EFCAB11: variants seen among roughly 807,000 people sequenced by gnomAD.
EFCAB11 encodes EF-hand calcium binding domain 11.
A neutral mutation model predicts 23.0 loss-of-function variants in EFCAB11; 14 were observed. The ratio of observed to expected loss-of-function variants is 0.61; its 90% CI spans 0.40 to 0.95. EFCAB11 has a LOEUF of 0.95. Ranked by LOEUF, EFCAB11 falls within the 40% of genes least tolerant of loss-of-function variation. EFCAB11 has a pLI of 0.00. For missense variants in EFCAB11, 198 were observed against 195.8 expected (o/e 1.01, Z -0.07); for synonymous variants, 65 against 66.6 (o/e 0.98, Z 0.11).
At chr14:89,837,683 A>G (rs903677581) in intron 5 of EFCAB11, among the ~76,000 whole-genome samples, 5 of 152,194 alleles carry the variant, frequency 3.3e-5, no homozygotes, top group Non-Finnish European at 7.4e-5. Flanking sequence ...TGAATAAAAA[A>G]CGATAATAAA....
At chr14:89,799,411 GCAGA>G (rs1318605397) in intron 5 of EFCAB11, 1 of 152,132 alleles carries the variant, frequency 6.6e-6, no homozygotes, top group Non-Finnish European at 1.5e-5. Context: ...GTTTTTCATT[GCAGA>G]CAGAATTATT....
At chr14:89,830,181 T>G (rs935175950) in intron 5 of EFCAB11, 11 of 152,316 alleles carry the variant, frequency 7.2e-5, no homozygotes, top group African/African-American at 2.6e-4. Flanking sequence ...AGGTAAAGTA[T>G]CAAGTAGGAA....
chr14:89,909,536 G>A (rs905457024), intron 5 of EFCAB11, among the ~76,000 whole-genome samples: 7 of 152,106 alleles, frequency 4.6e-5, no homozygotes, highest in African/African-American at 1.2e-4. Flanking sequence ...AGCTGAGATC[G>A]CGCCATTGCA....
intron 5 of EFCAB11, chr14:89,830,605 C>T (rs1886850361): frequency 6.6e-6 from 1 of 152,138 alleles, no homozygotes; most frequent in Non-Finnish European, 1.5e-5. Flanking sequence ...CGAGCCTTTC[C>T]TTCAATATAT....
At chr14:89,797,440 T>C (rs1885613028) in intron 5 of EFCAB11, 116 bp from the exon 6 acceptor site, 1 of 858,894 alleles carries the variant, frequency 1.2e-6, no homozygotes, top group Non-Finnish European at 1.8e-6. Context: ...ACCTATTTTA[T>C]CTACTTGAAG....
Position 89,797,274 on chromosome 14 carries a change from T to C in EFCAB11, c.461A>G (p.Tyr154Cys), listed in dbSNP as rs762380665. 12 of 1,613,538 alleles carry C rather than the reference T, an allele frequency of 7.4e-6. No individual in the cohort carries two copies. The Admixed American group carries it at 8.3e-5, about 11-fold the overall frequency. Residue 154 changes from tyrosine (Y) to cysteine (C), a missense_variant, in exon 6 of 6, where the codon TAT (tyrosine) becomes TGT (cysteine). By Grantham distance (194) the Tyr-to-Cys change is radical. Transcript: ENST00000316738. The stretch of plus-strand genomic sequence containing the variant: ...TTCCTTCTGTCCATAGTTCAGGGCA[T>C]ATTCAAAGTCTCTAAAGCTGACGTG... ...DGHVSFRDFE[Y>C]ALNYGQKEA
chr14:89,836,696 A>G, intron 5 of EFCAB11: 1 of 456,558 alleles, frequency 2.2e-6, no homozygotes, highest in Non-Finnish European at 4.4e-6. Flanking sequence ...GATTTTATTT[A>G]ATAGTTTACC....
intron 5 of EFCAB11, among the ~76,000 whole-genome samples, chr14:89,805,729 A>G (rs1885946536): frequency 6.6e-6 from 1 of 152,174 alleles, no homozygotes; most frequent in African/African-American, 2.4e-5. Context: ...CACTGACCCA[A>G]TAAATTCCCT....
chr14:89,935,197 T>C (rs1890536730), intron 3 of EFCAB11, among the ~76,000 whole-genome samples: 1 of 152,070 alleles, frequency 6.6e-6, no homozygotes. Flanking sequence ...TCTACGGTAA[T>C]TATTTGGCCA....
At chr14:89,828,170 CTAAT>C (rs1886766296) in intron 5 of EFCAB11, among the ~76,000 whole-genome samples, 1 of 152,156 alleles carries the variant, frequency 6.6e-6, no homozygotes, top group Non-Finnish European at 1.5e-5. Context: ...TTTGTGATCT[CTAAT>C]TAATATATAA....
At chr14:89,881,592 C>A (rs2140176298) in intron 5 of EFCAB11, among the ~76,000 whole-genome samples, 1 of 150,732 alleles carries the variant, frequency 6.6e-6, no homozygotes, top group African/African-American at 2.4e-5. Context: ...GGATTACAGA[C>A]ATTCACCACC....
At chr14:89,930,531 C>T (rs571951509) in intron 5 of EFCAB11, among the ~76,000 whole-genome samples, 7 of 152,200 alleles carry the variant, frequency 4.6e-5, no homozygotes, top group Non-Finnish European at 7.4e-5. Context: ...AATATATATC[C>T]TGAAAAGGAG....
intron 5 of EFCAB11, among the ~76,000 whole-genome samples, chr14:89,808,553 G>A (rs967089100): frequency 2.0e-5 from 3 of 152,110 alleles, no homozygotes; most frequent in African/African-American, 7.2e-5. Context: ...TTGATGCGAT[G>A]TGCATCACTG....
chr14:89,842,148 CCT>C (rs1367590438), intron 5 of EFCAB11, among the ~76,000 whole-genome samples: 1 of 152,162 alleles, frequency 6.6e-6, no homozygotes, highest in Admixed American at 6.5e-5. Context: ...TCTCCACACA[CCT>C]CTCTCTGAAG....
intron 5 of EFCAB11, among the ~76,000 whole-genome samples, chr14:89,922,625 G>T (rs1890054928): frequency 6.6e-6 from 1 of 152,050 alleles, no homozygotes; most frequent in Non-Finnish European, 1.5e-5. Flanking sequence ...TAAAAAGCCT[G>T]TGGTTTTTTT....
At chr14:89,930,206 T>C (rs532870950) in intron 5 of EFCAB11, among the ~76,000 whole-genome samples, 1 of 152,386 alleles carries the variant, frequency 6.6e-6, no homozygotes, top group African/African-American at 2.4e-5. Context: ...TTGTCAATGA[T>C]GCAGCAAATG....
At chr14:89,948,765 T>C (rs868136968) in intron 3 of EFCAB11, among the ~76,000 whole-genome samples, 30 of 152,216 alleles carry the variant, frequency 2.0e-4, no homozygotes, top group African/African-American at 7.0e-4. Flanking sequence ...TTCTCACTTA[T>C]GGGATCTAAA....
In EFCAB11 at chr14:89,953,935, C is replaced by T; in HGVS notation, c.142G>A (p.Val48Ile). 6.2e-7 allele frequency: 1 copy of T among 1,613,810 alleles called. No homozygotes were observed. Among genetic ancestry groups the T allele is most frequent in the Non-Finnish European group, 8.5e-7 (1 of 1,179,986 alleles). The change falls in exon 2 of 6, where the codon GTA becomes ATA. Residue 48 changes from valine (V) to isoleucine (I), a missense_variant. Coordinates refer to ENST00000316738, the MANE Select transcript of EFCAB11 (RefSeq NM_145231.4). ...GAGGGCTTGTACCCAAACAGCATTA[C>T]AACAGCAGTTTTAAAGTCCTCTCTG... ...LSREDFKTAVVMLFGYKPSKI... is the reference protein window; with the variant it reads ...LSREDFKTAVIMLFGYKPSKI...
chr14:89,950,290 A>G (rs1891123467), intron 2 of EFCAB11, 148 bp from the exon 3 acceptor site: 1 of 803,596 alleles, frequency 1.2e-6, no homozygotes. Context: ...CACAATAGCT[A>G]TAATAGTCAT....
Sources: allele counts gnomAD v4.1 joint callset (sites outside exome capture counted in the v4.1 genomes callset), GRCh38; gene constraint gnomAD v4.1.1; transcripts MANE v1.5; gene names NCBI Gene and HGNC (gene_info 2026-07-23, HGNC 2026-07-21).